The following MDFIC2 variants were observed in gnomAD, a reference collection of about 807,000 sequenced individuals.
The protein encoded by MDFIC2 is MyoD family inhibitor domain containing 2.
chr3:70,284,617 G>T (rs1454415112), intron 2 of MDFIC2, among the ~76,000 whole-genome samples: 4 of 152,100 alleles, frequency 2.6e-5, no homozygotes, highest in Non-Finnish European at 4.4e-5. Context: ...GGAGCCAGAG[G>T]ACATCTTCCT....
At chr3:70,205,991 T>C (rs1559534694) in intron 3 of MDFIC2, 2 of 152,122 alleles carry the variant, frequency 1.3e-5, no homozygotes, top group South Asian at 2.1e-4. Context: ...CAATTTGAAA[T>C]TGGCTTTGCA....
chr3:70,196,406 T>C lies in MDFIC2; in HGVS notation c.*520A>G, dbSNP rs933039269. On this transcript the variant is annotated 3_prime_UTR_variant, in exon 4 of 4. Transcript: ENST00000567252. ...TTCCTACCTAAACTGTACATATAAG[T>C]GAATTTTAAGAGACTGTATAAATAA... Among the ~76,000 whole-genome samples the C allele has an allele frequency of 6.6e-6, 1 of 152,162 alleles. No homozygotes were observed. The highest frequency in any genetic ancestry group is 1.5e-5 in the Non-Finnish European group (1 of 68,016).
intron 2 of MDFIC2, among the ~76,000 whole-genome samples, chr3:70,293,429 A>T (rs1216336791): frequency 6.6e-6 from 1 of 152,162 alleles, no homozygotes; most frequent in Non-Finnish European, 1.5e-5. Flanking sequence ...GCAACAACAG[A>T]AATTAAATAG....
intron 2 of MDFIC2, among the ~76,000 whole-genome samples, chr3:70,272,567 C>T (rs1465108725): frequency 6.6e-6 from 1 of 152,102 alleles, no homozygotes; most frequent in East Asian, 1.9e-4. Flanking sequence ...ATAAACATTC[C>T]CGTACAGGTC....
intron 2 of MDFIC2, among the ~76,000 whole-genome samples, chr3:70,241,859 T>C (rs989490091): frequency 2.6e-5 from 4 of 152,148 alleles, no homozygotes; most frequent in Non-Finnish European, 5.9e-5. Flanking sequence ...GCTCACACAG[T>C]GTGTAAGTAG....
intron 2 of MDFIC2, among the ~76,000 whole-genome samples, chr3:70,273,962 C>T (rs568490686): frequency 1.7e-4 from 26 of 151,962 alleles, no homozygotes; most frequent in African/African-American, 6.0e-4. Flanking sequence ...GCACCCGGCC[C>T]AGAATTTTCT....
chr3:70,260,416 G>C (rs138883742), intron 2 of MDFIC2, among the ~76,000 whole-genome samples: 1 of 152,106 alleles, frequency 6.6e-6, no homozygotes, highest in Non-Finnish European at 1.5e-5. Flanking sequence ...TCCAAATAAA[G>C]TCTCATTATG....
intron 2 of MDFIC2, among the ~76,000 whole-genome samples, chr3:70,240,632 C>T (rs1701657983): frequency 6.6e-6 from 1 of 152,050 alleles, no homozygotes; most frequent in Non-Finnish European, 1.5e-5. Flanking sequence ...CCTTCAGCGT[C>T]AATTATAAGT....
chr3:70,306,480 A>C (rs1475095677), intron 2 of MDFIC2, among the ~76,000 whole-genome samples: 1 of 152,050 alleles, frequency 6.6e-6, no homozygotes, highest in African/African-American at 2.4e-5. Flanking sequence ...AGCTATACTT[A>C]ATTCAAAATA....
At chr3:70,206,424 G>A in intron 3 of MDFIC2, 145 bp downstream of exon 3, 1 of 392,968 alleles carries the variant, frequency 2.5e-6, no homozygotes, top group Non-Finnish European at 4.5e-6. Context: ...CTTGACATAT[G>A]TCATTCACCA....
chr3:70,222,754 T>C (rs1157610237), intron 2 of MDFIC2, among the ~76,000 whole-genome samples: 1 of 152,164 alleles, frequency 6.6e-6, no homozygotes, highest in East Asian at 1.9e-4. Flanking sequence ...GGTATAAATA[T>C]ACAGGTGCCT....
intron 2 of MDFIC2, among the ~76,000 whole-genome samples, chr3:70,307,369 T>G (rs929212457): frequency 1.3e-5 from 2 of 152,146 alleles, no homozygotes; most frequent in Non-Finnish European, 2.9e-5. Context: ...TGGCAACAAT[T>G]TAAGGGCTTC....
At chr3:70,265,583 T>C (rs1701910014) in intron 2 of MDFIC2, among the ~76,000 whole-genome samples, 1 of 152,132 alleles carries the variant, frequency 6.6e-6, no homozygotes, top group Non-Finnish European at 1.5e-5. Flanking sequence ...TCAAGGTGCT[T>C]CATTAATATT....
intron 2 of MDFIC2, among the ~76,000 whole-genome samples, chr3:70,254,524 TAGAG>T (rs1559545949): frequency 6.6e-6 from 1 of 152,124 alleles, no homozygotes; most frequent in Admixed American, 6.5e-5. Flanking sequence ...AGTTTTCACT[TAGAG>T]AGCTTTTGGA....
chr3:70,307,546 A>G (rs1702413772), intron 2 of MDFIC2, among the ~76,000 whole-genome samples: 1 of 151,872 alleles, frequency 6.6e-6, no homozygotes, highest in Admixed American at 6.6e-5. Context: ...TCCTCCATAA[A>G]GTTTTCACAT....
rs1440474918 is a variant in MDFIC2, at chr3:70,292,305, G to A, written c.88+19581C>T. Among the ~76,000 whole-genome samples the A allele has an allele frequency of 2.0e-5, 3 of 152,046 alleles. No homozygotes were observed. In the East Asian group the frequency reaches 5.8e-4, roughly 29 times the overall value. On this transcript the variant is annotated intron_variant, in intron 2 of 3. Transcript: ENST00000567252. ...TTTATTTGATTGTTTATAATATATAGTATCTATCTATTAGAATGGAGTCTC... is the reference window on the plus strand; with the variant it reads ...TTTATTTGATTGTTTATAATATATAATATCTATCTATTAGAATGGAGTCTC...
At chr3:70,232,125 G>A (rs1407029658) in intron 2 of MDFIC2, among the ~76,000 whole-genome samples, 2 of 152,152 alleles carry the variant, frequency 1.3e-5, no homozygotes, top group African/African-American at 4.8e-5. Context: ...CACTGGCAGC[G>A]AGATGTTTTC....
chr3:70,214,226 A>AT (rs1166843449), intron 2 of MDFIC2, among the ~76,000 whole-genome samples: 1 of 152,012 alleles, frequency 6.6e-6, no homozygotes, highest in Non-Finnish European at 1.5e-5. Flanking sequence ...TTTTTCTTTA[A>AT]TTTTCAAATG....
In MDFIC2 at chr3:70,206,694, G is replaced by T. The variant is rs1367158706; in HGVS notation, c.185C>A (p.Ala62Asp). 5 of 397,742 alleles carry T rather than the reference G, an allele frequency of 1.3e-5. No homozygotes were observed. The highest frequency in any genetic ancestry group is 3.6e-5 in the East Asian group (1 of 28,042). 24.6% of individuals were successfully genotyped at this position (397,742 alleles called of 1,614,324 possible). A position where few individuals can be genotyped will look rare whatever the true frequency, so the allele number is the denominator to read the frequency against. The change falls in exon 3 of 4, where the codon GCC becomes GAC. Residue 62 changes from alanine (A) to aspartate (D), a missense_variant. Coordinates refer to ENST00000567252, the MANE Select transcript of MDFIC2 (RefSeq NM_001364677.1). ...VSDFNITDGPAKENPNEKKLS... is the reference protein window; with the variant it reads ...VSDFNITDGPDKENPNEKKLS... Reference sequence around the variant, plus strand: ...TTTTTTCTCATTGGGGTTTTCCTTGGCTGGTCCATCTGTGATATTGAAGTC... The same window carrying T: ...TTTTTTCTCATTGGGGTTTTCCTTGTCTGGTCCATCTGTGATATTGAAGTC...
Sources: gnomAD v4.1 joint callset for allele counts (sites outside exome capture counted in the v4.1 genomes callset) on GRCh38, gnomAD v4.1.1 for gene constraint, MANE v1.5 for transcripts, NCBI Gene and HGNC (gene_info 2026-07-23, HGNC 2026-07-21) for gene names.